FMN1: variants seen among roughly 807,000 people sequenced by gnomAD.
The protein encoded by FMN1 is formin-1.
In FMN1, 110 loss-of-function variants were observed where a neutral mutation model predicts 132.4. The observed-to-expected ratio is 0.83, with a 90% CI of 0.71 to 0.97. The LOEUF (loss-of-function observed/expected upper bound fraction) is 0.97. FMN1 is among the 50% of genes least tolerant of loss of function. The probability of loss-of-function intolerance (pLI) is 0.00; values close to 1 mark genes in which losing one functional copy is unlikely to be tolerated. For synonymous variants in FMN1, 722 were observed against 651.7 expected (o/e 1.11, Z -1.64); for missense variants, 1,792 against 1,705.3 (o/e 1.05, Z -0.90).
chr15:33,150,993 T>C, intron 4 of FMN1: 1 of 1,108,986 alleles, frequency 9.0e-7, no homozygotes, highest in Non-Finnish European at 1.1e-6. Flanking sequence ...AAGACAAAGG[T>C]AGCTGGAAGC....
chr15:32,912,342 GAAC>G (rs2060582187), intron 10 of FMN1, among the ~76,000 whole-genome samples: 1 of 152,158 alleles, frequency 6.6e-6, no homozygotes, highest in Admixed American at 6.5e-5. Flanking sequence ...TTGGGACTGA[GAAC>G]AACCATGGGC....
At chr15:32,868,775 T>C (rs1343860349) in intron 16 of FMN1, among the ~76,000 whole-genome samples, 1 of 152,058 alleles carries the variant, frequency 6.6e-6, no homozygotes, top group African/African-American at 2.4e-5. Flanking sequence ...CCGGGTTCCA[T>C]AAACATTCAT....
At position 32,766,851 on chromosome 15, in the gene FMN1, G is replaced by A; in HGVS notation, c.*7459C>T. On this transcript the variant is annotated 3_prime_UTR_variant, in exon 21 of 21. Transcript: ENST00000616417. The stretch of plus-strand genomic sequence containing the variant: ...GAAAGAAATAGCCATGGAATATGAA[G>A]GAAAAGGACGAGGAAACAGAAGTAT... The A allele has an allele frequency of 6.6e-6, 1 of 152,360 alleles. No individual in the cohort carries two copies. Among genetic ancestry groups the A allele is most frequent in the Non-Finnish European group, 1.5e-5 (1 of 68,140 alleles). The allele number at this position is 152,360 out of a possible 1,614,324, so 9.4% of individuals were successfully genotyped here.
Position 33,185,568 on chromosome 15 carries a change from A to ATTTTTTTTTTTTTTTT in FMN1, c.-196-5322_-196-5307dup, listed in dbSNP as rs57232200. Among the ~76,000 whole-genome samples the ATTTTTTTTTTTTTTTT allele has an allele frequency of 4.1e-3, 468 of 113,340 alleles. 45 individuals carry two copies. The highest frequency in any genetic ancestry group is 0.019 in the African/African-American group (454 of 23,812). 74.4% of individuals were successfully genotyped at this position (113,340 alleles called of 152,430 possible). A position where few individuals can be genotyped will look rare whatever the true frequency, so the allele number is the denominator to read the frequency against. ...GTAATTTTTTTTTAATAAAGTAAGA[A>ATTTTTTTTTTTTTTTT]TTTTTTTTTTTTTTTTTTTTTTACA... On this transcript the variant is annotated intron_variant, in intron 2 of 20. Coordinates refer to ENST00000616417, the MANE Select transcript of FMN1 (RefSeq NM_001277313.2).
intron 17 of FMN1, among the ~76,000 whole-genome samples, chr15:32,850,941 C>T (rs1245724978): frequency 6.6e-6 from 1 of 151,964 alleles, no homozygotes; most frequent in African/African-American, 2.4e-5. Flanking sequence ...TGCCTGTAGT[C>T]CCAGCTACTT....
intron 17 of FMN1, among the ~76,000 whole-genome samples, chr15:32,835,417 G>A (rs1047551540): frequency 3.3e-5 from 5 of 152,110 alleles, no homozygotes; most frequent in African/African-American, 1.2e-4. Flanking sequence ...GCCGGAAGCC[G>A]GGAAAATACT....
intron 17 of FMN1, among the ~76,000 whole-genome samples, chr15:32,806,203 C>G (rs1245787507): frequency 1.3e-5 from 2 of 152,112 alleles, no homozygotes; most frequent in East Asian, 3.8e-4. Flanking sequence ...AAGTAAGTCT[C>G]GTATCTAGGA....
rs754617571 is a variant in FMN1, at chr15:32,900,045, C to T, written c.3588G>A (p.Arg1196=). The part of the protein sequence containing the change: ...AFGNYMNGGN[R]TRGQADGYSL... ...TATATCCATCGGCTTGTCCCCGAGT[C>T]CTATTTCCTCCATTCATATAATTTC... The change falls in exon 14 of 21, where the codon AGG becomes AGA. Residue 1196 remains arginine, a synonymous_variant. Coordinates refer to ENST00000616417, the MANE Select transcript of FMN1 (RefSeq NM_001277313.2). 4 of 1,613,724 alleles carry T rather than the reference C, an allele frequency of 2.5e-6. No individual in the cohort carries two copies. Among genetic ancestry groups the T allele is most frequent in the African/African-American group, 1.3e-5 (1 of 74,912 alleles).
At chr15:33,105,073 T>G (rs1334051588) in intron 4 of FMN1, among the ~76,000 whole-genome samples, 1 of 152,062 alleles carries the variant, frequency 6.6e-6, no homozygotes, top group Non-Finnish European at 1.5e-5. Flanking sequence ...TGCTCTGGTC[T>G]GACACAATCT....
At chr15:32,988,558 G>A (rs567093774) in intron 7 of FMN1, among the ~76,000 whole-genome samples, 2 of 152,246 alleles carry the variant, frequency 1.3e-5, no homozygotes, top group East Asian at 3.9e-4. Context: ...TTTATCTTTG[G>A]CAGAGCAATT....
chr15:33,077,128 G>T (rs991379331), intron 5 of FMN1, among the ~76,000 whole-genome samples: 15 of 152,038 alleles, frequency 9.9e-5, no homozygotes, highest in African/African-American at 3.6e-4. Context: ...CTCCCAGGGC[G>T]CAAGCCATCT....
At chr15:32,863,661 C>T (rs1359184287) in intron 16 of FMN1, among the ~76,000 whole-genome samples, 1 of 152,152 alleles carries the variant, frequency 6.6e-6, no homozygotes, top group African/African-American at 2.4e-5. Context: ...GAACTGCAGG[C>T]AAACCTACGA....
rs376062391 is a variant in FMN1 at position 32,964,235 on chromosome 15, A to G, written c.3010T>C (p.Trp1004Arg). 1 of 1,607,988 alleles carries G rather than the reference A, an allele frequency of 6.2e-7. No individual in the cohort carries two copies. The highest frequency in any genetic ancestry group is 1.1e-5 in the South Asian group (1 of 89,850). The change falls in exon 9 of 21, where the codon TGG becomes CGG. Residue 1004 changes from tryptophan to arginine, a missense_variant. This residue lies in a region of FMN1 where 1,150 missense variants were observed against 1,043.1 expected (regional missense o/e 1.10). Coordinates refer to ENST00000616417, the MANE Select transcript of FMN1 (RefSeq NM_001277313.2). ...ATGTCAGGTTCTTCTAAGGAGTCCC[A>G]TAAGGTTGGTGTAGCATTTTGGCTT... ...DRSQNATPTL[W>R]DSLEEPDIRD...
rs554366624 is a variant in FMN1, at chr15:32,862,701, A to T, written c.3836-5594T>A. Among the ~76,000 whole-genome samples the T allele has an allele frequency of 1.2e-3, 188 of 152,388 alleles. 1 individual carries two copies. Among genetic ancestry groups the T allele is most frequent in the Non-Finnish European group, 2.2e-3 (153 of 68,042 alleles). On this transcript the variant is annotated intron_variant, in intron 16 of 20. Coordinates refer to ENST00000616417, the MANE Select transcript of FMN1 (RefSeq NM_001277313.2). ...CCCAGATATAATTCATCAAAATCAA[A>T]TACGTTTAATTGCTTTGTAAATCAA... is the stretch of plus-strand genomic sequence containing the variant.
chr15:33,102,440 C>T (rs990555673), intron 4 of FMN1, among the ~76,000 whole-genome samples: 6 of 152,082 alleles, frequency 3.9e-5, no homozygotes, highest in African/African-American at 1.4e-4. Flanking sequence ...TAAATGGAAG[C>T]TAGTGTTCCA....
At position 32,798,180 on chromosome 15, in the gene FMN1, ACACACACACACACAC is replaced by A. The variant is rs1567182758; in HGVS notation, c.4130+609_4130+623del. 1.8e-3 allele frequency among the ~76,000 whole-genome samples: 274 copies of A among 149,072 alleles called. 1 individual carries two copies. The highest frequency in any genetic ancestry group is 6.5e-3 in the African/African-American group (260 of 40,306). Reference sequence around the variant, plus strand: ...AATTCAATCTCTCTAAGGAAAACGCACACACACACACACACACACACACACACACACACACACCCC... The same window carrying A: ...AATTCAATCTCTCTAAGGAAAACGCAACACACACACACACACACACACCCC... On this transcript the variant is annotated intron_variant, in intron 19 of 20. Coordinates refer to ENST00000616417, the MANE Select transcript of FMN1 (RefSeq NM_001277313.2).
chr15:32,959,388 G>C (rs568886065), intron 9 of FMN1, among the ~76,000 whole-genome samples: 2 of 152,306 alleles, frequency 1.3e-5, no homozygotes, highest in African/African-American at 4.8e-5. Context: ...CACAGGCATG[G>C]AGCAAAGATT....
chr15:32,902,252 T>TA (rs2060316236), intron 12 of FMN1, among the ~76,000 whole-genome samples: 1 of 152,168 alleles, frequency 6.6e-6, no homozygotes, highest in Admixed American at 6.5e-5. Flanking sequence ...GCATGATGAA[T>TA]AAATGCATGG....
chr15:32,788,767 G>A (rs1442656418), intron 19 of FMN1, among the ~76,000 whole-genome samples: 7 of 152,218 alleles, frequency 4.6e-5, no homozygotes, highest in Non-Finnish European at 5.9e-5. Context: ...TTTGATTTGA[G>A]CTCCAAAGAG....
Sources: gnomAD v4.1 joint callset for allele counts (sites outside exome capture counted in the v4.1 genomes callset) on GRCh38, gnomAD v4.1.1 for gene constraint, gnomAD v4.1.1 regional missense constraint, MANE v1.5 for transcripts, NCBI Gene and HGNC (gene_info 2026-07-23, HGNC 2026-07-21) for gene names.